The following VAT1L variants were observed in gnomAD, a reference collection of about 807,000 sequenced individuals.
VAT1L encodes the protein vesicle amine transport 1 like.
Under a neutral mutation model 44.1 loss-of-function variants are expected in VAT1L, and 34 were observed. That is an observed-to-expected ratio of 0.77 (90% CI 0.59 to 1.03). The LOEUF is 1.03. VAT1L is among the 50% of genes least tolerant of loss of function. The pLI is 0.00. For missense variants in VAT1L, 615 were observed against 538.8 expected, an observed-to-expected ratio of 1.14 and a Z score of -1.40; for synonymous variants, 253 against 202.2, an observed-to-expected ratio of 1.25 and a Z score of -2.13.
intron 7 of VAT1L, among the ~76,000 whole-genome samples, chr16:77,940,919 C>T (rs2017874877): frequency 6.6e-6 from 1 of 152,148 alleles, no homozygotes; most frequent in African/African-American, 2.4e-5. Context: ...TACTAATCTG[C>T]TTTAACACCT....
intron 7 of VAT1L, among the ~76,000 whole-genome samples, chr16:77,916,432 G>C (rs772689554): frequency 2.0e-5 from 3 of 152,056 alleles, no homozygotes; most frequent in Non-Finnish European, 2.9e-5. Context: ...TGTAAAACAG[G>C]AATATTACTA....
chr16:77,958,089 G>C (rs912692508), intron 7 of VAT1L, among the ~76,000 whole-genome samples: 1 of 151,896 alleles, frequency 6.6e-6, no homozygotes, highest in East Asian at 1.9e-4. Context: ...TTTATTTTTT[G>C]TAGAGATGAG....
intron 3 of VAT1L, among the ~76,000 whole-genome samples, chr16:77,839,783 T>C (rs2016685279): frequency 6.6e-6 from 1 of 152,082 alleles, no homozygotes; most frequent in Non-Finnish European, 1.5e-5. Flanking sequence ...GAACAGAACC[T>C]GATGCTCAGC....
chr16:77,833,448 G>T (rs148872919), intron 3 of VAT1L, among the ~76,000 whole-genome samples: 2 of 152,180 alleles, frequency 1.3e-5, no homozygotes, highest in African/African-American at 4.8e-5. Flanking sequence ...GGAGGAGGAG[G>T]TTCTTCATGA....
At chr16:77,809,236 T>G (rs1298276237) in intron 1 of VAT1L, among the ~76,000 whole-genome samples, 5 of 152,214 alleles carry the variant, frequency 3.3e-5, no homozygotes, top group Admixed American at 2.0e-4. Flanking sequence ...TTATGGTTGT[T>G]GTAAAACTGA....
chr16:77,795,813 C>CTTTTTTTTTTTTTTT (rs56725954), intron 1 of VAT1L, among the ~76,000 whole-genome samples: 4 of 100,582 alleles, frequency 4.0e-5, no homozygotes, highest in African/African-American at 7.5e-5. Flanking sequence ...CCTTTTTTCT[C>CTTTTTTTTTTTTTTT]TTTTTTTTTT....
chr16:77,823,106 G>A (rs367805481), intron 2 of VAT1L, among the ~76,000 whole-genome samples: 57 of 152,030 alleles, frequency 3.7e-4, no homozygotes, highest in African/African-American at 1.3e-3. Context: ...CACACACTGA[G>A]GCTGAAGCAG....
At chr16:77,936,894 G>GTTTA (rs1483541832) in intron 7 of VAT1L, among the ~76,000 whole-genome samples, 2 of 151,638 alleles carry the variant, frequency 1.3e-5, no homozygotes, top group African/African-American at 4.9e-5. Flanking sequence ...TTGTTTGTTT[G>GTTTA]TTTGTTTTTG....
At chr16:77,901,197 T>C (rs2017379075) in intron 7 of VAT1L, among the ~76,000 whole-genome samples, 1 of 126,688 alleles carries the variant, frequency 7.9e-6, no homozygotes, top group African/African-American at 2.9e-5. Flanking sequence ...ACAGTCTTGC[T>C]CTGTCACCCA....
chr16:77,927,752 C>T (rs1597103075), intron 7 of VAT1L, among the ~76,000 whole-genome samples: 1 of 151,992 alleles, frequency 6.6e-6, no homozygotes, highest in Non-Finnish European at 1.5e-5. Context: ...GCCTGTAGTC[C>T]CAGCTACTCG....
chr16:77,793,736 G>A (rs1029188706), intron 1 of VAT1L, among the ~76,000 whole-genome samples: 2 of 152,202 alleles, frequency 1.3e-5, no homozygotes, highest in South Asian at 4.1e-4. Flanking sequence ...ATGAAAAATG[G>A]TTCCAGCCAG....
At chr16:77,941,415 A>T (rs2017881881) in intron 7 of VAT1L, among the ~76,000 whole-genome samples, 3 of 152,202 alleles carry the variant, frequency 2.0e-5, no homozygotes, top group Non-Finnish European at 4.4e-5. Context: ...ATCTATTGCC[A>T]ATTTCCATGG....
chr16:77,791,333 A>G (rs2015831689), intron 1 of VAT1L, among the ~76,000 whole-genome samples: 3 of 152,216 alleles, frequency 2.0e-5, no homozygotes, highest in Non-Finnish European at 4.4e-5. Flanking sequence ...CTTGGAATAA[A>G]GCATAGTCCA....
At chr16:77,951,744 A>G (rs1269159165) in intron 7 of VAT1L, among the ~76,000 whole-genome samples, 1 of 152,108 alleles carries the variant, frequency 6.6e-6, no homozygotes, top group Non-Finnish European at 1.5e-5. Flanking sequence ...AGGGACACAG[A>G]AAGGACTTCG....
chr16:77,889,740 A>C (rs777601060), intron 7 of VAT1L, among the ~76,000 whole-genome samples: 4 of 152,264 alleles, frequency 2.6e-5, no homozygotes, highest in Non-Finnish European at 5.9e-5. Flanking sequence ...ATGCAATAAC[A>C]GAGTATTAAT....
intron 7 of VAT1L, among the ~76,000 whole-genome samples, chr16:77,930,228 A>T (rs2142501490): frequency 6.6e-6 from 1 of 152,236 alleles, no homozygotes; most frequent in South Asian, 2.1e-4. Flanking sequence ...GAACCACTGA[A>T]TTCGACCCCT....
chr16:77,881,540 C>G lies in VAT1L; in HGVS notation c.882+2316C>G, dbSNP rs567701138. 1.7e-4 allele frequency among the ~76,000 whole-genome samples: 26 copies of G among 152,342 alleles called. 1 individual carries two copies. Among genetic ancestry groups the G allele is most frequent in the African/African-American group, 6.0e-4 (25 of 41,586 alleles). ...AAAGTATGGTAAGGAGTTTGGAATT[C>G]ATTCTAAGTATGGCACTATGTGCTA... On this transcript the variant is annotated intron_variant, in intron 6 of 8. Transcript: ENST00000302536.
At chr16:77,966,526 A>T (rs4888703) in intron 7 of VAT1L, among the ~76,000 whole-genome samples, 35,079 of 152,044 alleles carry the variant, frequency 0.23, 4,526 homozygotes, top group South Asian at 0.32. Flanking sequence ...TGTGTGATGA[A>T]AGGTGAAGAA....
At position 77,893,783 on chromosome 16, in the gene VAT1L, A is replaced by G. The variant is rs183048130; in HGVS notation, c.1077+8981A>G. Among the ~76,000 whole-genome samples the G allele has an allele frequency of 3.9e-3, 594 of 152,274 alleles. 4 individuals carry two copies. Among genetic ancestry groups the G allele is most frequent in the African/African-American group, 0.013 (551 of 41,562 alleles). On this transcript the variant is annotated intron_variant, in intron 7 of 8. Transcript: ENST00000302536. ...TACTTGCCCATAGTCCCTGCTTACC[A>G]TTGAATTTGATGGAAATTTGAACCC...
Sources: gnomAD v4.1 joint callset for allele counts (sites outside exome capture counted in the v4.1 genomes callset) on GRCh38, gnomAD v4.1.1 for gene constraint, MANE v1.5 for transcripts, NCBI Gene and HGNC (gene_info 2026-07-23, HGNC 2026-07-21) for gene names.